SPAM1: variants seen among roughly 807,000 people sequenced by gnomAD.
The protein encoded by SPAM1 is hyaluronidase PH-20.
A neutral mutation model predicts 29.6 loss-of-function variants in SPAM1; 22 were observed. The observed-to-expected ratio is 0.74, with a 90% CI of 0.53 to 1.06. The LOEUF (loss-of-function observed/expected upper bound fraction) is 1.06, where lower values mean the gene tolerates loss of function less well. Among genes scored for constraint, SPAM1 ranks in the 50% least tolerant of loss-of-function variants. SPAM1 has a pLI of 0.00. For synonymous variants in SPAM1, 194 were observed against 204.6 expected (o/e 0.95, Z 0.44); for missense variants, 534 against 604.0 (o/e 0.88, Z 1.21).
At chr7:123,965,610 T>A (rs755604019) in intron 5 of SPAM1, among the ~76,000 whole-genome samples, 2 of 152,166 alleles carry the variant, frequency 1.3e-5, no homozygotes, top group African/African-American at 2.4e-5. Context: ...ATCAGATGGC[T>A]GCAGATGCGT....
At chr7:123,955,251 A>G (rs1367813739) in intron 4 of SPAM1, among the ~76,000 whole-genome samples, 165 bp downstream of exon 4, 1 of 151,976 alleles carries the variant, frequency 6.6e-6, no homozygotes, top group East Asian at 1.9e-4. Flanking sequence ...GGTGGTTGTA[A>G]GGCAGAAAAT....
chr7:123,967,484 T>G (rs1287999812), intron 5 of SPAM1, among the ~76,000 whole-genome samples: 2 of 152,042 alleles, frequency 1.3e-5, no homozygotes, highest in Non-Finnish European at 2.9e-5. Context: ...AATTAAGTGA[T>G]TAGATATTCC....
chr7:123,965,519 A>G (rs1405439565), intron 5 of SPAM1, among the ~76,000 whole-genome samples: 3 of 152,034 alleles, frequency 2.0e-5, no homozygotes, highest in East Asian at 3.9e-4. Flanking sequence ...TTTTCTGCAT[A>G]TGGCTACCCA....
chr7:123,953,398 A>C lies in SPAM1; in HGVS notation c.-173A>C. 1 of 475,820 alleles carries C rather than the reference A, an allele frequency of 2.1e-6. No individual in the cohort carries two copies. Among genetic ancestry groups the C allele is most frequent in the Non-Finnish European group, 3.6e-6 (1 of 274,162 alleles). 29.5% of individuals were successfully genotyped at this position (475,820 alleles called of 1,614,324 possible). A position where few individuals can be genotyped will look rare whatever the true frequency, so the allele number is the denominator to read the frequency against. On this transcript the variant is annotated 5_prime_UTR_variant, in exon 3 of 5. Coordinates refer to ENST00000682466, the MANE Select transcript of SPAM1 (RefSeq NM_153189.3). ...GATGCAACTTGAAAAACAATCCTGA[A>C]ACATGAAACAAGAATAATAATATTT...
intron 1 of SPAM1, among the ~76,000 whole-genome samples, chr7:123,940,746 T>C (rs751258502): frequency 6.6e-6 from 1 of 152,188 alleles, no homozygotes; most frequent in Non-Finnish European, 1.5e-5. Context: ...TCCTTCCACG[T>C]TGGCATCTCA....
At chr7:123,937,278 T>C (rs1808268778) in intron 1 of SPAM1, among the ~76,000 whole-genome samples, 1 of 152,090 alleles carries the variant, frequency 6.6e-6, no homozygotes, top group Non-Finnish European at 1.5e-5. Flanking sequence ...GGGAAATAAC[T>C]CTACACTTTA....
intron 5 of SPAM1, among the ~76,000 whole-genome samples, chr7:123,966,420 G>C (rs374456956): frequency 8.5e-5 from 13 of 152,094 alleles, no homozygotes; most frequent in African/African-American, 3.1e-4. Context: ...CCATTACTGG[G>C]TATATATCCA....
chr7:123,960,845 A>G (rs1792349122), downstream of SPAM1, among the ~76,000 whole-genome samples: 1 of 151,898 alleles, frequency 6.6e-6, no homozygotes, highest in South Asian at 2.1e-4. Context: ...TCATTTCTTT[A>G]TGTTTAAGCT....
At chr7:123,967,764 G>A (rs1242911410) in intron 5 of SPAM1, among the ~76,000 whole-genome samples, 1 of 151,992 alleles carries the variant, frequency 6.6e-6, no homozygotes, top group Non-Finnish European at 1.5e-5. Flanking sequence ...TCTGGGTGAT[G>A]TTAGTGAAAC....
At chr7:123,947,578 CCACACA>C (rs3993662) in intron 1 of SPAM1, 46,492 of 147,560 alleles carry the variant, frequency 0.32, 7,609 homozygotes, top group Non-Finnish European at 0.38. Context: ...GATTAAAACA[CCACACA>C]CACACACACA....
At chr7:123,941,054 G>C (rs1808412501) in intron 1 of SPAM1, among the ~76,000 whole-genome samples, 1 of 152,142 alleles carries the variant, frequency 6.6e-6, no homozygotes, top group African/African-American at 2.4e-5. Flanking sequence ...ATATCTCTAT[G>C]TTTCAAAAGA....
intron 1 of SPAM1, among the ~76,000 whole-genome samples, chr7:123,943,763 T>G (rs1396151549): frequency 6.6e-6 from 1 of 152,068 alleles, no homozygotes; most frequent in Non-Finnish European, 1.5e-5. Context: ...TTACAGTCAT[T>G]GTAAAGTAAG....
chr7:123,957,181 A>G (rs1027190004), intron 4 of SPAM1, among the ~76,000 whole-genome samples: 1 of 152,032 alleles, frequency 6.6e-6, no homozygotes, highest in Non-Finnish European at 1.5e-5. Flanking sequence ...TACACAAGTA[A>G]GAGACATATT....
At chr7:123,952,920 GAAAA>G in intron 2 of SPAM1, among the ~76,000 whole-genome samples, 1 of 149,752 alleles carries the variant, frequency 6.7e-6, no homozygotes, top group African/African-American at 2.4e-5. Flanking sequence ...TGAAAAAAGA[GAAAA>G]AAAGAAAGAA....
At chr7:123,970,608 A>AATAATAATTATT (rs376690940) in intron 6 of SPAM1, among the ~76,000 whole-genome samples, 317 of 147,260 alleles carry the variant, frequency 2.2e-3, no homozygotes, top group African/African-American at 6.9e-3. Context: ...TAATAATAAT[A>AATAATAATTATT]ATTATTATTA....
intron 1 of SPAM1, chr7:123,931,984 A>G (rs1437352490): frequency 6.6e-6 from 1 of 152,240 alleles, no homozygotes; most frequent in Non-Finnish European, 1.5e-5. Context: ...TATAGGACAT[A>G]TGCCTGTGTG....
chr7:123,937,381 C>T (rs1196594154), intron 1 of SPAM1, among the ~76,000 whole-genome samples: 1 of 152,084 alleles, frequency 6.6e-6, no homozygotes, highest in Admixed American at 6.5e-5. Context: ...GCGGGCGGAT[C>T]ACAAAGTCAG....
chr7:123,950,856 T>C (rs577280546), intron 2 of SPAM1, among the ~76,000 whole-genome samples: 156 of 152,108 alleles, frequency 1.0e-3, no homozygotes, highest in Non-Finnish European at 1.5e-3. Flanking sequence ...TCCCTAGAGG[T>C]TGTACTAATT....
chr7:123,936,166 G>T (rs779468238), intron 1 of SPAM1, among the ~76,000 whole-genome samples: 1 of 152,236 alleles, frequency 6.6e-6, no homozygotes, highest in Non-Finnish European at 1.5e-5. Flanking sequence ...GCAATGCACT[G>T]AGACAGCAGT....
Sources: gnomAD v4.1 joint callset for allele counts (sites outside exome capture counted in the v4.1 genomes callset) on GRCh38, gnomAD v4.1.1 for gene constraint, MANE v1.5 for transcripts, NCBI Gene and HGNC (gene_info 2026-07-23, HGNC 2026-07-21) for gene names.